CCDC154: variants seen among roughly 807,000 people sequenced by gnomAD.
CCDC154 encodes coiled-coil domain-containing protein 154.
In CCDC154, 91 loss-of-function variants were observed where a neutral mutation model predicts 87.5. The ratio of observed to expected loss-of-function variants is 1.04; its 90% CI spans 0.88 to 1.24. The LOEUF (loss-of-function observed/expected upper bound fraction) is 1.24. Ranked by LOEUF, CCDC154 falls within the 50% of genes most tolerant of loss-of-function variation. CCDC154 has a pLI of 0.00. For missense variants in CCDC154, 903 were observed against 879.2 expected, an observed-to-expected ratio of 1.03 and a Z score of -0.34; for synonymous variants, 418 against 400.4, an observed-to-expected ratio of 1.04 and a Z score of -0.52.
At chr16:1,436,853 G>T in intron 11 of CCDC154, 42 bp from the exon 12 acceptor site, 1 of 1,547,430 alleles carries the variant, frequency 6.5e-7, no homozygotes, top group South Asian at 1.2e-5. Flanking sequence ...CCAAGAGAGG[G>T]GGGACAGACA....
rs950710720 is a variant in CCDC154, at chr16:1,443,304, G to C, written c.415-3C>G. ...ATCTGGTTCTGGAGACCAGAGAACT[G>C]CGAGGAGGAAGAGGAGGCTGTGGGC... On this transcript the variant is annotated splice_region_variant and splice_polypyrimidine_tract_variant and intron_variant, in intron 3 of 16. Transcript: ENST00000389176. The C allele has an allele frequency of 6.5e-7, 1 of 1,548,676 alleles. No homozygotes were observed.
rs113168089 is a variant in CCDC154, at chr16:1,439,034, G to A, written c.768C>T (p.Ala256=). 23 of 1,550,118 alleles carry A rather than the reference G, an allele frequency of 1.5e-5. No individual in the cohort carries two copies. Among genetic ancestry groups the A allele is most frequent in the Admixed American group, 5.9e-5 (3 of 50,982 alleles). Residue 256 remains alanine, a synonymous_variant, in exon 7 of 17, where the codon GCC becomes GCT. Coordinates refer to ENST00000389176, the MANE Select transcript of CCDC154 (RefSeq NM_001143980.3). The part of the protein sequence containing the change: ...LCGFLQKSFL[A]LEKRMKASES... ...GCGGGCAGGCTCCCACCTTCTCCAG[G>A]GCCAGGAAGCTCTTCTGCAGGAAGC...
chr16:1,440,527 G>GAGAAGAGAAGAGAA, intron 6 of CCDC154, among the ~76,000 whole-genome samples: 1 of 145,510 alleles, frequency 6.9e-6, no homozygotes, highest in African/African-American at 2.5e-5. Flanking sequence ...AGAGAAAAAA[G>GAGAAGAGAAGAGAA]AAAAGAAAGG....
intron 15 of CCDC154, 28 bp from the exon 16 acceptor site, chr16:1,434,880 C>A (rs1596202084): frequency 1.4e-6 from 2 of 1,476,892 alleles, no homozygotes; most frequent in Non-Finnish European, 1.8e-6. Context: ...TGGTGTCACC[C>A]AGGAGCCAGA....
Position 1,437,823 on chromosome 16 carries a change from C to G in CCDC154, c.1284G>C (p.Leu428=). 2 of 1,530,202 alleles carry G rather than the reference C, an allele frequency of 1.3e-6. No homozygotes were observed. The highest frequency in any genetic ancestry group is 2.4e-5 in the South Asian group (2 of 83,702). 94.8% of individuals were successfully genotyped at this position (1,530,202 alleles called of 1,614,324 possible). ...DLQEQMLGLR[L]SEAKTEWEGA... ...CGCCCGCTGCCTGGCGCACCTCGGA[C>G]AGCCTGAGGCCCAGCATCTGCTCCT... Residue 428 remains leucine, a synonymous_variant, in exon 11 of 17, where the codon CTG becomes CTC. Transcript: ENST00000389176.
intron 11 of CCDC154, 150 bp downstream of exon 11, chr16:1,437,667 T>A: frequency 1.0e-6 from 1 of 955,330 alleles, no homozygotes; most frequent in South Asian, 2.1e-5. Context: ...GGGCTCGGGG[T>A]CTCCCAGGCC....
rs746747782 is a variant in CCDC154, at chr16:1,444,008, C to A, written c.12G>T (p.Leu4Phe). The A allele has an allele frequency of 7.7e-7, 1 of 1,299,110 alleles. No homozygotes were observed. Among genetic ancestry groups the A allele is most frequent in the African/African-American group, 1.5e-5 (1 of 65,892 alleles). 80.5% of individuals were successfully genotyped at this position (1,299,110 alleles called of 1,614,324 possible). ...ATGCCCCTGAGGGTCCACTGTCAGCCAACTCTACAAGGAGGCATCTTGGGA... is the reference window on the plus strand; with the variant it reads ...ATGCCCCTGAGGGTCCACTGTCAGCAAACTCTACAAGGAGGCATCTTGGGA... MSE[L>F]ADSGPSGASA... The change falls in exon 2 of 17, where the codon TTG (leucine) becomes TTT (phenylalanine). Residue 4 changes from leucine (L) to phenylalanine (F), a missense_variant. Physicochemically the swap from Leu to Phe is conservative, Grantham distance 22 (BLOSUM62 0). Transcript: ENST00000389176.
In CCDC154 at chr16:1,438,745, G is replaced by A. The variant is rs1475461233; in HGVS notation, c.907-8C>T. 2 of 1,549,020 alleles carry A rather than the reference G, an allele frequency of 1.3e-6. No individual in the cohort carries two copies. Among genetic ancestry groups the A allele is most frequent in the East Asian group, 4.9e-5 (2 of 40,894 alleles). ...CTCCAGGAGGTGGCTCTCCTGCCAG[G>A]GGGTGGAGGCCGCCCTGAGACCTGC... On this transcript the variant is annotated splice_polypyrimidine_tract_variant and splice_region_variant and intron_variant, in intron 8 of 16. Coordinates refer to ENST00000389176, the MANE Select transcript of CCDC154 (RefSeq NM_001143980.3).
In CCDC154 at chr16:1,442,423, C is replaced by G. The variant is rs1262478048; in HGVS notation, c.658G>C (p.Glu220Gln). 1.9e-6 allele frequency: 3 copies of G among 1,549,382 alleles called. No individual in the cohort carries two copies. The highest frequency in any genetic ancestry group is 2.6e-6 in the Non-Finnish European group (3 of 1,146,432). ...GGTGGTACCTGCATTCTGGCCACCT[C>G]CAGGTCCACCCTCCGGCTGCTGTCC... is the stretch of plus-strand genomic sequence containing the variant. ...QEDSSRRVDL[E>Q]VARMQAQVTK... Residue 220 changes from glutamate to glutamine, a missense_variant, in exon 6 of 17, where the codon GAG (glutamate) becomes CAG (glutamine). Physicochemically the swap from Glu to Gln is conservative, Grantham distance 29. Transcript: ENST00000389176.
intron 6 of CCDC154, among the ~76,000 whole-genome samples, chr16:1,441,598 C>T (rs985692354): frequency 1.2e-4 from 18 of 152,178 alleles, no homozygotes; most frequent in Non-Finnish European, 2.4e-4. Flanking sequence ...AGGTGAACTC[C>T]GCTTTGTGTG....
intron 4 of CCDC154, 74 bp from the exon 5 acceptor site, chr16:1,443,049 G>T (rs1481064489): frequency 6.6e-7 from 1 of 1,516,810 alleles, no homozygotes; most frequent in African/African-American, 1.4e-5. Context: ...GTCTGGCCAA[G>T]GGGCCCCTGT....
intron 11 of CCDC154, 196 bp downstream of exon 11, chr16:1,437,621 G>A (rs1198578855): frequency 3.2e-6 from 2 of 621,234 alleles, no homozygotes; most frequent in Non-Finnish European, 5.1e-6. Context: ...GGCCGAGGCT[G>A]CTCAGCGGCT....
At chr16:1,438,777 G>T (rs2038524869) in intron 8 of CCDC154, 38 bp downstream of exon 8, 1 of 1,542,614 alleles carries the variant, frequency 6.5e-7, no homozygotes, top group Non-Finnish European at 8.7e-7. Context: ...CTGCACCCCG[G>T]CCCCGGCCCC....
chr16:1,442,337 G>C, intron 6 of CCDC154, 69 bp downstream of exon 6: 1 of 1,463,834 alleles, frequency 6.8e-7, no homozygotes, highest in East Asian at 2.5e-5. Flanking sequence ...GGATGGCACA[G>C]GCCGAGAGGG....
At chr16:1,435,240 G>A in intron 14 of CCDC154, 65 bp from the exon 15 acceptor site, 1 of 1,396,956 alleles carries the variant, frequency 7.2e-7, no homozygotes, top group South Asian at 1.2e-5. Flanking sequence ...GTCCCCACAG[G>A]CACCCCGATA....
rs911490818 is a variant in CCDC154 at position 1,443,662 on chromosome 16, C to G, written c.258G>C (p.Leu86=). The G allele has an allele frequency of 3.8e-6, 5 of 1,309,852 alleles. No individual in the cohort carries two copies. Among genetic ancestry groups the G allele is most frequent in the Admixed American group, 2.6e-5 (1 of 38,964 alleles). The allele number at this position is 1,309,852 out of a possible 1,614,324, so 81.1% of individuals were successfully genotyped here. A position where few individuals can be genotyped will look rare whatever the true frequency, so the allele number is the denominator to read the frequency against. ...GCTCACAGCGCTGCTTGTGCTCCCG[C>G]AGGCAGGCCACCTCGGCCTGCAGCT... ...VVELQAEVAC[L]REHKQRCERA... The change falls in exon 3 of 17, where the codon CTG becomes CTC. Residue 86 remains leucine (L), a synonymous_variant. Transcript: ENST00000389176.
chr16:1,437,748 G>A lies in CCDC154; in HGVS notation c.1290+69C>T, dbSNP rs114946774. 4,361 of 1,464,010 alleles carry A rather than the reference G, an allele frequency of 3.0e-3. 120 individuals are homozygous for A. In the African/African-American group the frequency reaches 0.055, roughly 18 times the overall value. The allele number at this position is 1,464,010 out of a possible 1,614,324, so 90.7% of individuals were successfully genotyped here. ...TCAGGCCTCTACCCTGGGGGCAGTG[G>A]TGGGCTGAGAGCTGGAGGGGTGGGG... On this transcript the variant is annotated intron_variant, in intron 11 of 16. Coordinates refer to ENST00000389176, the MANE Select transcript of CCDC154 (RefSeq NM_001143980.3).
intron 11 of CCDC154, 120 bp downstream of exon 11, chr16:1,437,697 G>T: frequency 8.1e-7 from 1 of 1,241,600 alleles, no homozygotes; most frequent in Non-Finnish European, 1.1e-6. Flanking sequence ...GTCGCTGGGT[G>T]GGACGGGAGG....
chr16:1,436,219 A>T (rs1403058368), intron 13 of CCDC154, 133 bp from the exon 14 acceptor site: 8 of 867,650 alleles, frequency 9.2e-6, no homozygotes, highest in Non-Finnish European at 1.4e-5. Context: ...TCACCCCTCC[A>T]GTGGGGAAGG....
Sources: allele counts gnomAD v4.1 joint callset (sites outside exome capture counted in the v4.1 genomes callset), GRCh38; gene constraint gnomAD v4.1.1; transcripts MANE v1.5; gene names NCBI Gene and HGNC (gene_info 2026-07-23, HGNC 2026-07-21).